Variants in UNC5D observed in about 807,000 individuals in gnomAD.
UNC5D encodes the protein unc-5 netrin receptor D.
UNC5D carries 39 observed loss-of-function variants against 105.4 expected under a neutral mutation model. The observed-to-expected ratio is 0.37, with a 90% CI of 0.29 to 0.48. The LOEUF (loss-of-function observed/expected upper bound fraction) is 0.48, where lower values mean the gene tolerates loss of function less well. Ranked by LOEUF, UNC5D falls within the 20% of genes least tolerant of loss-of-function variation. UNC5D has a pLI of 0.98. For missense variants in UNC5D, 991 were observed against 1,202.4 expected, an observed-to-expected ratio of 0.82 and a Z score of 2.60; for synonymous variants, 452 against 450.4, an observed-to-expected ratio of 1.00 and a Z score of -0.04.
chr8:35,405,097 G>A (rs957640281), intron 1 of UNC5D, among the ~76,000 whole-genome samples: 3 of 152,182 alleles, frequency 2.0e-5, no homozygotes, highest in South Asian at 4.1e-4. Flanking sequence ...GAAACAATAT[G>A]TGAGCAAAGA....
chr8:35,599,408 A>G (rs1180395806), intron 4 of UNC5D, among the ~76,000 whole-genome samples: 4 of 152,208 alleles, frequency 2.6e-5, no homozygotes, highest in East Asian at 1.9e-4. Context: ...GATGTAATAC[A>G]TACATTATTT....
In UNC5D at chr8:35,325,978, G is replaced by A. The variant is rs142950077; in HGVS notation, c.103+90091G>A. On this transcript the variant is annotated intron_variant, in intron 1 of 16. Transcript: ENST00000404895. ...ACCATCATCCTAACTGGCATCTTTC[G>A]GTCCTCAAGGTCCATATTCTTTAAA... Among the ~76,000 whole-genome samples the A allele has an allele frequency of 6.0e-4, 91 of 152,162 alleles. 1 individual carries two copies. The East Asian group carries it at 0.017, about 28-fold the overall frequency.
At position 35,712,160 on chromosome 8, in the gene UNC5D, A is replaced by C. The variant is rs180992734; in HGVS notation, c.1117+6199A>C. 1.3e-3 allele frequency among the ~76,000 whole-genome samples: 200 copies of C among 152,120 alleles called. 2 individuals are homozygous for C. Among genetic ancestry groups the C allele is most frequent in the South Asian group, 0.012 (60 of 4,814 alleles). ...GTGGCAAGTGCCTGCTGTCCCAGCT[A>C]CTCGGGAGGCTGAGGCAGAAGAATC... On this transcript the variant is annotated intron_variant, in intron 8 of 16. Transcript: ENST00000404895.
intron 3 of UNC5D, among the ~76,000 whole-genome samples, chr8:35,592,857 C>A (rs138328358): frequency 4.9e-4 from 74 of 152,142 alleles, no homozygotes; most frequent in African/African-American, 1.7e-3. Flanking sequence ...TTATGTACAC[C>A]TTTGGGAGGG....
chr8:35,401,185 G>C (rs964777819), intron 1 of UNC5D, among the ~76,000 whole-genome samples: 1 of 152,016 alleles, frequency 6.6e-6, no homozygotes, highest in Non-Finnish European at 1.5e-5. Flanking sequence ...GTCCAGGTGC[G>C]GTGGCTCAAA....
intron 1 of UNC5D, among the ~76,000 whole-genome samples, chr8:35,363,395 C>T (rs953714145): frequency 1.3e-5 from 2 of 152,050 alleles, no homozygotes. Context: ...AAAACCACCC[C>T]CATGATTCAA....
At chr8:35,251,796 G>C in intron 1 of UNC5D, among the ~76,000 whole-genome samples, 1 of 152,056 alleles carries the variant, frequency 6.6e-6, no homozygotes. Flanking sequence ...ATTTATGAAA[G>C]GACTAATATT....
rs551265886 is a variant in UNC5D, at chr8:35,666,572, G to A, written c.571-16975G>A. Among the ~76,000 whole-genome samples the A allele has an allele frequency of 2.6e-5, 4 of 152,148 alleles. No individual in the cohort carries two copies. In the East Asian group the frequency reaches 7.7e-4, roughly 29 times the overall value. On this transcript the variant is annotated intron_variant, in intron 4 of 16. Coordinates refer to ENST00000404895, the MANE Select transcript of UNC5D (RefSeq NM_080872.4). Reference sequence around the variant, plus strand: ...GTTCATAACAACCAGAATGCAAAGGGGAGGAGGATAAACTGGATAGAAACA... The same window carrying A: ...GTTCATAACAACCAGAATGCAAAGGAGAGGAGGATAAACTGGATAGAAACA...
intron 1 of UNC5D, among the ~76,000 whole-genome samples, chr8:35,436,425 C>A (rs1807018805): frequency 6.6e-6 from 1 of 151,972 alleles, no homozygotes; most frequent in Admixed American, 6.6e-5. Flanking sequence ...TTTAAGAAAG[C>A]TATATTTTGG....
chr8:35,263,840 TA>T (rs1804652483), intron 1 of UNC5D, among the ~76,000 whole-genome samples: 1 of 152,242 alleles, frequency 6.6e-6, no homozygotes, highest in African/African-American at 2.4e-5. Context: ...AGCAAACTTC[TA>T]GCCTCTCACT....
At chr8:35,713,545 C>T (rs1355955837) in intron 8 of UNC5D, among the ~76,000 whole-genome samples, 18 of 152,100 alleles carry the variant, frequency 1.2e-4, no homozygotes, top group Admixed American at 8.5e-4. Flanking sequence ...CCCCACATAT[C>T]GCATGGGAAA....
At chr8:35,265,552 G>C (rs974477046) in intron 1 of UNC5D, among the ~76,000 whole-genome samples, 21 of 152,072 alleles carry the variant, frequency 1.4e-4, no homozygotes, top group Admixed American at 1.4e-3. Flanking sequence ...CCTTGCATTA[G>C]AGACACATAT....
chr8:35,678,528 A>C (rs912054733), intron 4 of UNC5D, among the ~76,000 whole-genome samples: 2 of 152,232 alleles, frequency 1.3e-5, no homozygotes, highest in African/African-American at 4.8e-5. Context: ...TAATTACCCC[A>C]GTTAAGACTT....
chr8:35,774,588 C>T, intron 16 of UNC5D, 111 bp downstream of exon 16: 2 of 1,361,314 alleles, frequency 1.5e-6, no homozygotes, highest in Non-Finnish European at 2.0e-6. Flanking sequence ...ATGAGTTCCT[C>T]TGGCCATATT....
intron 1 of UNC5D, among the ~76,000 whole-genome samples, chr8:35,332,321 C>G (rs777750093): frequency 6.6e-6 from 1 of 152,188 alleles, no homozygotes; most frequent in Non-Finnish European, 1.5e-5. Flanking sequence ...ATTAAAAGCT[C>G]ACTTTCAAAG....
chr8:35,333,905 A>C (rs1235330611), intron 1 of UNC5D, among the ~76,000 whole-genome samples: 1 of 152,188 alleles, frequency 6.6e-6, no homozygotes, highest in Admixed American at 6.5e-5. Flanking sequence ...TATATTACTC[A>C]GTGTTCAAAT....
intron 1 of UNC5D, among the ~76,000 whole-genome samples, chr8:35,368,738 G>T: frequency 6.6e-6 from 1 of 152,060 alleles, no homozygotes; most frequent in African/African-American, 2.4e-5. Context: ...AGGTAATTAG[G>T]TCTGGAAGAG....
intron 4 of UNC5D, among the ~76,000 whole-genome samples, chr8:35,673,839 G>A (rs1825007462): frequency 6.6e-6 from 1 of 152,190 alleles, no homozygotes; most frequent in African/African-American, 2.4e-5. Context: ...CGTAGATCCA[G>A]TCAGTCTTCT....
chr8:35,633,029 C>T (rs563065114), intron 4 of UNC5D, among the ~76,000 whole-genome samples: 1 of 152,280 alleles, frequency 6.6e-6, no homozygotes, highest in South Asian at 2.1e-4. Flanking sequence ...ACTTGCACTC[C>T]AATAGTCTAT....
Sources: allele counts gnomAD v4.1 joint callset (sites outside exome capture counted in the v4.1 genomes callset), GRCh38; gene constraint gnomAD v4.1.1; transcripts MANE v1.5; gene names NCBI Gene and HGNC (gene_info 2026-07-23, HGNC 2026-07-21).